The following RBM28 variants were observed in gnomAD, a reference collection of about 807,000 sequenced individuals.
The protein encoded by RBM28 is RNA-binding protein 28.
In RBM28, 78 loss-of-function variants were observed where a neutral mutation model predicts 98.3. That is an observed-to-expected ratio of 0.79 (90% confidence interval 0.66 to 0.96). The LOEUF (loss-of-function observed/expected upper bound fraction) is 0.96, where lower values mean the gene tolerates loss of function less well. RBM28 is among the 40% of genes least tolerant of loss of function. RBM28 has a pLI of 0.00. For missense variants in RBM28, 838 were observed against 913.0 expected (o/e 0.92, Z 1.06); for synonymous variants, 306 against 330.9 (o/e 0.92, Z 0.82).
chr7:128,318,056 C>T lies in RBM28; in HGVS notation c.1614G>A (p.Gln538=). Residue 538 remains glutamine, a synonymous_variant, in exon 15 of 19, where the codon CAG becomes CAA. Transcript: ENST00000223073. ...ACTCCGCAAAGGCGTAGCCCAGGGA[C>T]TGACCCTTCATGTTCCCATGAACTC... ...LKGVHGNMKG[Q]SLGYAFAEFQ... is the part of the protein sequence containing the mutation. 1 of 1,613,976 alleles carries T rather than the reference C, an allele frequency of 6.2e-7. No homozygotes were observed. The highest frequency in any genetic ancestry group is 8.5e-7 in the Non-Finnish European group (1 of 1,179,812).
At chr7:128,342,273 T>C (rs746928624) in intron 1 of RBM28, among the ~76,000 whole-genome samples, 1 of 152,242 alleles carries the variant, frequency 6.6e-6, no homozygotes, top group Non-Finnish European at 1.5e-5. Context: ...GTCCCTATTT[T>C]AAGTACATAA....
At chr7:128,311,208 C>T (rs547173437) in intron 18 of RBM28, among the ~76,000 whole-genome samples, 1 of 152,298 alleles carries the variant, frequency 6.6e-6, no homozygotes, top group Non-Finnish European at 1.5e-5. Context: ...CTCCCAAAGG[C>T]TCACTTTAGC....
Position 128,308,518 on chromosome 7 carries a change from C to T in RBM28, c.*2279G>A, listed in dbSNP as rs1584628915. On this transcript the variant is annotated 3_prime_UTR_variant, in exon 19 of 19. Coordinates refer to ENST00000223073, the MANE Select transcript of RBM28 (RefSeq NM_018077.3). ...AGGCTGAGAAAGACATGTTGCCAGGCTACCGTAAGAACATTTGACAGCCCA... is the reference window on the plus strand; with the variant it reads ...AGGCTGAGAAAGACATGTTGCCAGGTTACCGTAAGAACATTTGACAGCCCA... 6.6e-6 allele frequency: 1 copy of T among 152,204 alleles called. No homozygotes were observed. Among genetic ancestry groups the T allele is most frequent in the East Asian group, 1.9e-4 (1 of 5,182 alleles). The allele number at this position is 152,204 out of a possible 1,614,324, so 9.4% of individuals were successfully genotyped here. A position where few individuals can be genotyped will look rare whatever the true frequency, so the allele number is the denominator to read the frequency against.
At chr7:128,327,780 G>A (rs1796386270) in intron 10 of RBM28, among the ~76,000 whole-genome samples, 1 of 152,166 alleles carries the variant, frequency 6.6e-6, no homozygotes, top group South Asian at 2.1e-4. Flanking sequence ...GATTACAGGT[G>A]TGAGCCACTG....
intron 10 of RBM28, among the ~76,000 whole-genome samples, chr7:128,328,500 G>C (rs1022847003): frequency 6.6e-6 from 1 of 152,172 alleles, no homozygotes; most frequent in Non-Finnish European, 1.5e-5. Flanking sequence ...AATTTAATGA[G>C]CTAGGGAAGG....
rs1030246376 is a variant in RBM28, at chr7:128,310,368, T to C, written c.*429A>G. The C allele has an allele frequency of 1.1e-5, 3 of 264,120 alleles. No individual in the cohort carries two copies. The highest frequency in any genetic ancestry group is 2.2e-5 in the Non-Finnish European group (3 of 135,974). 16.4% of individuals were successfully genotyped at this position (264,120 alleles called of 1,614,324 possible). ...AATGTCAAAGAATGTTCATACATAA[T>C]AAAGGAGTCACACATATTAGAAATG... On this transcript the variant is annotated 3_prime_UTR_variant, in exon 19 of 19. Transcript: ENST00000223073.
chr7:128,310,320 TA>T lies in RBM28; in HGVS notation c.*476del. The stretch of plus-strand genomic sequence containing the variant: ...TCGCTTAGACAGTTCCTGCAGTGTG[TA>T]AGACTACAGAGCTGAATTAGGAATG... On this transcript the variant is annotated 3_prime_UTR_variant, in exon 19 of 19. Coordinates refer to ENST00000223073, the MANE Select transcript of RBM28 (RefSeq NM_018077.3). 4 of 229,414 alleles carry T rather than the reference TA, an allele frequency of 1.7e-5. No homozygotes were observed. Among genetic ancestry groups the T allele is most frequent in the South Asian group, 6.3e-5 (1 of 16,000 alleles). The allele number at this position is 229,414 out of a possible 1,614,324, so 14.2% of individuals were successfully genotyped here.
rs1795910691 is a variant in RBM28, at chr7:128,308,564, T to C, written c.*2233A>G. The C allele has an allele frequency of 6.6e-6, 1 of 152,284 alleles. No individual in the cohort carries two copies. Among genetic ancestry groups the C allele is most frequent in the Non-Finnish European group, 1.5e-5 (1 of 68,074 alleles). The allele number at this position is 152,284 out of a possible 1,614,324, so 9.4% of individuals were successfully genotyped here. On this transcript the variant is annotated 3_prime_UTR_variant, in exon 19 of 19. Transcript: ENST00000223073. ...GCCCAAGTCATGTCTCGAGGTGAAC[T>C]TGGAGATAAATCACCTGTCCTTTCG...
chr7:128,322,433 A>G (rs1473943703), intron 13 of RBM28, among the ~76,000 whole-genome samples: 1 of 152,194 alleles, frequency 6.6e-6, no homozygotes, highest in Non-Finnish European at 1.5e-5. Flanking sequence ...TTCTTTTGTC[A>G]AGTCTTCTCA....
In RBM28 at chr7:128,339,245, A is replaced by G; in HGVS notation, c.354T>C (p.Ile118=). ...KVADKKARLI[I]RNLSFKCSED... Reference sequence around the variant, plus strand: ...CACTTACCTTAAAGCTCAGGTTCCGAATAATTAATCTGGCTTTCTTATCTG... The same window carrying G: ...CACTTACCTTAAAGCTCAGGTTCCGGATAATTAATCTGGCTTTCTTATCTG... Residue 118 remains isoleucine, a synonymous_variant, in exon 3 of 19, where the codon ATT becomes ATC. Transcript: ENST00000223073. 1 of 1,612,684 alleles carries G rather than the reference A, an allele frequency of 6.2e-7. No homozygotes were observed. Among genetic ancestry groups the G allele is most frequent in the Non-Finnish European group, 8.5e-7 (1 of 1,178,652 alleles).
chr7:128,333,570 T>C (rs985019947), intron 8 of RBM28, among the ~76,000 whole-genome samples: 1 of 152,152 alleles, frequency 6.6e-6, no homozygotes, highest in Admixed American at 6.5e-5. Context: ...ATACAAAAAT[T>C]AGCCAGGCGT....
chr7:128,339,502 G>T, intron 2 of RBM28, 131 bp downstream of exon 2: 1 of 1,274,170 alleles, frequency 7.8e-7, no homozygotes, highest in East Asian at 2.3e-5. Context: ...TACACTGGAT[G>T]ATTTTGGAGA....
intron 14 of RBM28, among the ~76,000 whole-genome samples, chr7:128,318,788 G>A (rs1017238351): frequency 7.9e-5 from 12 of 152,286 alleles, no homozygotes; most frequent in African/African-American, 2.6e-4. Context: ...TATTTTAAGC[G>A]TGTAACAAGT....
Position 128,319,207 on chromosome 7 carries a change from C to T in RBM28, c.1564-1101G>A, listed in dbSNP as rs138242511. 2.2e-3 allele frequency among the ~76,000 whole-genome samples: 337 copies of T among 152,308 alleles called. 2 individuals are homozygous for T. Among genetic ancestry groups the T allele is most frequent in the Admixed American group, 4.7e-3 (72 of 15,310 alleles). On this transcript the variant is annotated intron_variant, in intron 14 of 18. Transcript: ENST00000223073. Reference sequence around the variant, plus strand: ...TCCAGTGTCCACTCTGTGCCTAGAACTGTCATACACTGTAAGGGAATCAAG... The same window carrying T: ...TCCAGTGTCCACTCTGTGCCTAGAATTGTCATACACTGTAAGGGAATCAAG...
At chr7:128,337,978 C>A (rs1417511571) in intron 5 of RBM28, among the ~76,000 whole-genome samples, 4 of 152,138 alleles carry the variant, frequency 2.6e-5, no homozygotes, top group Non-Finnish European at 5.9e-5. Context: ...TAGATACCAA[C>A]CTGCATCTAT....
At chr7:128,327,236 G>A (rs181064402) in intron 10 of RBM28, among the ~76,000 whole-genome samples, 1 of 152,122 alleles carries the variant, frequency 6.6e-6, no homozygotes, top group South Asian at 2.1e-4. Context: ...CCTATTAGAG[G>A]ACTAAAAAAT....
At chr7:128,343,312 G>A (rs563504310) in intron 1 of RBM28, among the ~76,000 whole-genome samples, 20 of 152,286 alleles carry the variant, frequency 1.3e-4, no homozygotes, top group African/African-American at 4.6e-4. Context: ...TCTGTAAAAT[G>A]ACATTAAGAC....
chr7:128,328,939 T>G (rs1203427287), intron 10 of RBM28, among the ~76,000 whole-genome samples: 1 of 151,946 alleles, frequency 6.6e-6, no homozygotes, highest in South Asian at 2.1e-4. Context: ...TGCTGCCTTA[T>G]TCACATCTTT....
At chr7:128,329,052 C>T (rs1311563100) in intron 10 of RBM28, among the ~76,000 whole-genome samples, 6 of 151,972 alleles carry the variant, frequency 3.9e-5, no homozygotes, top group Admixed American at 6.6e-5. Flanking sequence ...CTGGGCTCCC[C>T]GCAGCCTCCT....
Sources: gnomAD v4.1 joint callset for allele counts (sites outside exome capture counted in the v4.1 genomes callset) on GRCh38, gnomAD v4.1.1 for gene constraint, MANE v1.5 for transcripts, NCBI Gene and HGNC (gene_info 2026-07-23, HGNC 2026-07-21) for gene names.